Variants in ZZZ3 observed in about 807,000 individuals in gnomAD.
The protein encoded by ZZZ3 is ZZ-type zinc finger-containing protein 3.
A neutral mutation model predicts 95.2 loss-of-function variants in ZZZ3; 22 were observed. The ratio of observed to expected loss-of-function variants is 0.23; its 90% CI spans 0.17 to 0.33. ZZZ3 has a LOEUF of 0.33. Among genes scored for constraint, ZZZ3 ranks in the 10% least tolerant of loss-of-function variants. The probability of loss-of-function intolerance (pLI) is 1.00; values close to 1 mark genes in which losing one functional copy is unlikely to be tolerated. For missense variants in ZZZ3, 885 were observed against 1,066.5 expected, an observed-to-expected ratio of 0.83 and a Z score of 2.37; for synonymous variants, 335 against 358.9, an observed-to-expected ratio of 0.93 and a Z score of 0.75.
intron 13 of ZZZ3, among the ~76,000 whole-genome samples, chr1:77,567,438 A>G (rs1660933750): frequency 6.6e-6 from 1 of 152,164 alleles, no homozygotes; most frequent in African/African-American, 2.4e-5. Flanking sequence ...ATCACCCCCA[A>G]TAGTTTAAGT....
chr1:77,565,587 T>C lies in ZZZ3; in HGVS notation c.*53A>G. 17 of 1,566,522 alleles carry C rather than the reference T, an allele frequency of 1.1e-5. No homozygotes were observed. The highest frequency in any genetic ancestry group is 1.5e-5 in the Non-Finnish European group (17 of 1,148,554). On this transcript the variant is annotated 3_prime_UTR_variant, in exon 15 of 15. Coordinates refer to ENST00000370801, the MANE Select transcript of ZZZ3 (RefSeq NM_015534.6). ...TCCAAACTGTGCACATAATTAACAA[T>C]GATACCATTGCTATGTGTTGAAGAG... is the stretch of plus-strand genomic sequence containing the variant.
intron 1 of ZZZ3, among the ~76,000 whole-genome samples, chr1:77,679,120 G>A (rs1038827890): frequency 4.6e-5 from 7 of 152,104 alleles, no homozygotes; most frequent in South Asian, 2.1e-4. Context: ...TTTGGACTTT[G>A]GGAAATATTT....
In ZZZ3 at chr1:77,581,785, A is replaced by C; in HGVS notation, c.1899T>G (p.Ser633Arg). The C allele has an allele frequency of 6.2e-7, 1 of 1,612,310 alleles. No homozygotes were observed. Among genetic ancestry groups the C allele is most frequent in the Non-Finnish European group, 8.5e-7 (1 of 1,179,106 alleles). The change falls in exon 8 of 15, where the codon AGT becomes AGG. Residue 633 changes from serine to arginine, a missense_variant. Physicochemically the swap from Ser to Arg is moderately radical, Grantham distance 110. Coordinates refer to ENST00000370801, the MANE Select transcript of ZZZ3 (RefSeq NM_015534.6). The part of the protein sequence containing the change: ...PLSDGPEGSS[S>R]RPQMIRGRLC... ...ATTTCACACTGCTTACCTGAGGACG[A>C]CTGCTTGAGCCTTCTGGACCATCAC...
intron 1 of ZZZ3, among the ~76,000 whole-genome samples, chr1:77,669,948 G>A (rs546216140): frequency 1.3e-5 from 2 of 151,972 alleles, no homozygotes; most frequent in Admixed American, 6.6e-5. Context: ...GTTCTAAAAC[G>A]GGATTGAGGT....
At chr1:77,680,705 T>G (rs1049413118) in intron 1 of ZZZ3, among the ~76,000 whole-genome samples, 7 of 152,210 alleles carry the variant, frequency 4.6e-5, no homozygotes, top group Non-Finnish European at 7.3e-5. Context: ...GATCACTAAG[T>G]TGCATGGTCA....
intron 1 of ZZZ3, among the ~76,000 whole-genome samples, chr1:77,673,009 T>G (rs1671922838): frequency 6.6e-6 from 1 of 152,190 alleles, no homozygotes; most frequent in African/African-American, 2.4e-5. Context: ...AAAAGATGAC[T>G]GAAGTACAGG....
intron 5 of ZZZ3, among the ~76,000 whole-genome samples, chr1:77,627,505 T>C (rs899269340): frequency 7.2e-5 from 11 of 152,216 alleles, no homozygotes; most frequent in African/African-American, 1.4e-4. Context: ...ATTTTCTCTA[T>C]GCAGCTTCCA....
chr1:77,656,652 G>T (rs1379144792), intron 1 of ZZZ3, among the ~76,000 whole-genome samples: 2 of 152,070 alleles, frequency 1.3e-5, no homozygotes, highest in East Asian at 1.9e-4. Context: ...CTAAATTCTT[G>T]AATTTGTACT....
At chr1:77,621,115 T>C (rs1352674803) in intron 5 of ZZZ3, among the ~76,000 whole-genome samples, 1 of 152,178 alleles carries the variant, frequency 6.6e-6, no homozygotes, top group East Asian at 1.9e-4. Flanking sequence ...AAAGATAAAG[T>C]TTAACAATAT....
intron 5 of ZZZ3, among the ~76,000 whole-genome samples, chr1:77,630,082 T>G (rs1183157165): frequency 1.3e-5 from 2 of 152,260 alleles, no homozygotes; most frequent in East Asian, 3.9e-4. Flanking sequence ...AGAACTAACA[T>G]ATATCATTTT....
chr1:77,675,800 C>T (rs1294956812), intron 1 of ZZZ3, among the ~76,000 whole-genome samples: 1 of 152,068 alleles, frequency 6.6e-6, no homozygotes, highest in Non-Finnish European at 1.5e-5. Flanking sequence ...TTTGAGATCA[C>T]AAATTATTTC....
chr1:77,579,761 A>T (rs1662319223), intron 9 of ZZZ3, 133 bp from the exon 10 acceptor site: 1 of 521,172 alleles, frequency 1.9e-6, no homozygotes, highest in South Asian at 3.1e-5. Flanking sequence ...CGTAATTAGA[A>T]ATCCTCATGG....
chr1:77,664,064 A>C (rs1318174387), intron 1 of ZZZ3, among the ~76,000 whole-genome samples: 1 of 151,126 alleles, frequency 6.6e-6, no homozygotes. Context: ...AACCCTACTT[A>C]TTCTATCACC....
intron 5 of ZZZ3, among the ~76,000 whole-genome samples, chr1:77,617,172 G>A (rs1666399436): frequency 2.0e-5 from 3 of 152,230 alleles, no homozygotes; most frequent in African/African-American, 7.2e-5. Context: ...CCATTTTAAA[G>A]TATATAATCC....
chr1:77,668,488 T>C (rs1378560787), intron 1 of ZZZ3, among the ~76,000 whole-genome samples: 2 of 152,208 alleles, frequency 1.3e-5, no homozygotes, highest in East Asian at 1.9e-4. Flanking sequence ...ATCTATTTTA[T>C]ATCAAGTACA....
intron 5 of ZZZ3, among the ~76,000 whole-genome samples, chr1:77,607,792 C>T (rs576584108): frequency 6.4e-4 from 97 of 151,852 alleles, no homozygotes; most frequent in African/African-American, 1.9e-3. Flanking sequence ...TGTGGTGGCA[C>T]GTGCCTGTAG....
At chr1:77,607,382 A>C (rs1358912327) in intron 5 of ZZZ3, among the ~76,000 whole-genome samples, 2 of 152,206 alleles carry the variant, frequency 1.3e-5, no homozygotes, top group Non-Finnish European at 2.9e-5. Flanking sequence ...TCAAGGTGAG[A>C]CTTGGGTGGG....
chr1:77,615,251 T>C (rs1451713136), intron 5 of ZZZ3, among the ~76,000 whole-genome samples: 1 of 152,158 alleles, frequency 6.6e-6, no homozygotes, highest in Non-Finnish European at 1.5e-5. Context: ...TCAAAGAAGG[T>C]TATCAATAAC....
intron 1 of ZZZ3, among the ~76,000 whole-genome samples, chr1:77,662,203 G>A (rs536293157): frequency 3.3e-5 from 5 of 152,058 alleles, no homozygotes; most frequent in East Asian, 1.9e-4. Context: ...TAGTAGAGAC[G>A]GGGTCTCACC....
Sources: allele counts gnomAD v4.1 joint callset (sites outside exome capture counted in the v4.1 genomes callset), GRCh38; gene constraint gnomAD v4.1.1; transcripts MANE v1.5; gene names NCBI Gene and HGNC (gene_info 2026-07-23, HGNC 2026-07-21).